TBCD: variants seen among roughly 807,000 people sequenced by gnomAD.
TBCD encodes the protein tubulin folding cofactor D.
TBCD carries 105 observed loss-of-function variants against 169.3 expected under a neutral mutation model. The observed-to-expected ratio is 0.62, with a 90% CI of 0.53 to 0.73. The LOEUF (loss-of-function observed/expected upper bound fraction) is 0.73. Among genes scored for constraint, TBCD ranks in the 30% least tolerant of loss-of-function variants. The pLI is 0.00. For missense variants in TBCD, 1,444 were observed against 1,600.1 expected, an observed-to-expected ratio of 0.90 and a Z score of 1.66; for synonymous variants, 700 against 643.9, an observed-to-expected ratio of 1.09 and a Z score of -1.32.
chr17:82,758,631 A>G (rs1421745614), intron 2 of TBCD, among the ~76,000 whole-genome samples: 1 of 110,270 alleles, frequency 9.1e-6, no homozygotes, highest in Non-Finnish European at 2.0e-5. Context: ...TTTGTTGCAC[A>G]TTTTTCCACC....
rs1232378117 is a variant in TBCD at position 82,864,584 on chromosome 17, A to T, written c.1319-5640A>T. ...TTGACAGAGGGTCCTTGACTCTGCG[A>T]CCCTGCACAGTGGGTGGTGGCAGGT... is the stretch of plus-strand genomic sequence containing the variant. On this transcript the variant is annotated intron_variant, in intron 13 of 38. Transcript: ENST00000355528. This position sits in a 1 kb window ranked among gnomAD's most constrained non-coding sequence, Gnocchi z 6.3. 6.6e-6 allele frequency among the ~76,000 whole-genome samples: 1 copy of T among 152,066 alleles called. No homozygotes were observed. The highest frequency in any genetic ancestry group is 1.9e-4 in the East Asian group (1 of 5,192).
At chr17:82,802,615 C>A (rs1424720087) in intron 9 of TBCD, among the ~76,000 whole-genome samples, 1 of 152,238 alleles carries the variant, frequency 6.6e-6, no homozygotes, top group Admixed American at 6.5e-5. Context: ...TGGTTTTAGT[C>A]TGAAGACAGA....
At chr17:82,775,134 G>A (rs1056879748) in intron 6 of TBCD, among the ~76,000 whole-genome samples, 2 of 152,170 alleles carry the variant, frequency 1.3e-5, no homozygotes, top group Non-Finnish European at 2.9e-5. Context: ...GCGGACTCCC[G>A]GCGAGACACC....
At chr17:82,911,462 A>G (rs1233622778) in intron 22 of TBCD, among the ~76,000 whole-genome samples, 1 of 152,188 alleles carries the variant, frequency 6.6e-6, no homozygotes, top group African/African-American at 2.4e-5. Flanking sequence ...GTTTCTATAA[A>G]GTAAGAGCTG....
intron 23 of TBCD, chr17:82,918,849 C>G (rs757387229): frequency 6.6e-6 from 1 of 152,222 alleles, no homozygotes; most frequent in Non-Finnish European, 1.5e-5. Context: ...GTCCTCAACA[C>G]ACATCAGAGC....
chr17:82,803,848 G>A (rs1325955977), intron 9 of TBCD, among the ~76,000 whole-genome samples: 1 of 151,712 alleles, frequency 6.6e-6, no homozygotes, highest in Non-Finnish European at 1.5e-5. Flanking sequence ...CGGCTGGGGT[G>A]CACCGGTCTG....
chr17:82,773,577 A>G (rs563417659), intron 6 of TBCD, among the ~76,000 whole-genome samples: 95 of 152,136 alleles, frequency 6.2e-4, no homozygotes, highest in South Asian at 4.4e-3. Context: ...AACTCTGTCC[A>G]TGGTCTCCCC....
chr17:82,832,502 T>G lies in TBCD; in HGVS notation c.1318+17568T>G. 1.3e-6 allele frequency: 2 copies of G among 1,543,670 alleles called. No homozygotes were observed. The highest frequency in any genetic ancestry group is 1.8e-6 in the Non-Finnish European group (2 of 1,127,534). ...CTGGCTGTCCAGGTGGCGTGATCAC[T>G]GTCGACGCCGCGTGCACTTCGTGGT... On this transcript the variant is annotated intron_variant, in intron 13 of 38. Coordinates refer to ENST00000355528, the MANE Select transcript of TBCD (RefSeq NM_005993.5). The surrounding 1 kb of genome is among the most constrained non-coding windows in gnomAD (Gnocchi z 4.9).
Position 82,889,834 on chromosome 17 carries a change from C to A in TBCD, c.1563+137C>A. ...TACATCAATGCCAGGGTCATGAGTT[C>A]ACTATAGGACGCACATGTTAAACAG... On this transcript the variant is annotated intron_variant, in intron 16 of 38. Transcript: ENST00000355528. This position sits in a 1 kb window ranked among gnomAD's most constrained non-coding sequence, Gnocchi z 5.3. The A allele has an allele frequency of 2.1e-6, 2 of 952,036 alleles. No homozygotes were observed. The highest frequency in any genetic ancestry group is 1.7e-5 in the South Asian group (1 of 58,494). The allele number at this position is 952,036 out of a possible 1,614,324, so 59.0% of individuals were successfully genotyped here.
At chr17:82,887,789 C>CA (rs1230894513) in intron 15 of TBCD, among the ~76,000 whole-genome samples, 2 of 152,208 alleles carry the variant, frequency 1.3e-5, no homozygotes, top group Non-Finnish European at 2.9e-5. Flanking sequence ...GCCTTTTTGA[C>CA]AGGCATGTGG....
rs1182644712 is a variant in TBCD at position 82,920,370 on chromosome 17, C to G, written c.2039-186C>G. 1.6e-6 allele frequency: 1 copy of G among 630,302 alleles called. No homozygotes were observed. Among genetic ancestry groups the G allele is most frequent in the Non-Finnish European group, 2.8e-6 (1 of 359,946 alleles). The allele number at this position is 630,302 out of a possible 1,614,324, so 39.0% of individuals were successfully genotyped here. ...TCAGGCTGCTCAGCGGAGGAGGCGT[C>G]TTGGGCTTCTCATGGTGGTTCTGAA... On this transcript the variant is annotated intron_variant, in intron 23 of 38. Transcript: ENST00000355528. The surrounding 1 kb of genome is among the most constrained non-coding windows in gnomAD (Gnocchi z 4.1).
At chr17:82,897,232 G>C (rs534465073) in intron 17 of TBCD, among the ~76,000 whole-genome samples, 24 of 152,052 alleles carry the variant, frequency 1.6e-4, no homozygotes, top group African/African-American at 5.5e-4. Flanking sequence ...AAAAAAATCA[G>C]CTTTGGGCCG....
intron 32 of TBCD, 66 bp downstream of exon 32, chr17:82,929,566 C>T (rs1206204792): frequency 6.3e-7 from 1 of 1,587,506 alleles, no homozygotes; most frequent in African/African-American, 1.3e-5. Context: ...TTCCCTGTCT[C>T]TTGGGAGCAT....
intron 23 of TBCD, among the ~76,000 whole-genome samples, chr17:82,914,505 T>C (rs117341962): frequency 0.027 from 4,114 of 152,338 alleles, 84 homozygotes; most frequent in Non-Finnish European, 0.044. Flanking sequence ...TGAGTGTGTT[T>C]GCTGGAGTGC....
chr17:82,752,415 G>C (rs146590903), intron 1 of TBCD, 38 bp downstream of exon 1: 1 of 1,198,740 alleles, frequency 8.3e-7, no homozygotes, highest in Non-Finnish European at 1.0e-6. Context: ...TCCTCCCCCG[G>C]CCCGGGTTCG....
intron 23 of TBCD, among the ~76,000 whole-genome samples, chr17:82,916,957 C>T (rs1788414954): frequency 1.3e-5 from 2 of 151,836 alleles, no homozygotes; most frequent in African/African-American, 4.8e-5. Context: ...TAATTCTTTA[C>T]GCCTCCTTAC....
intron 9 of TBCD, among the ~76,000 whole-genome samples, chr17:82,803,433 T>G (rs986868124): frequency 6.6e-6 from 1 of 152,234 alleles, no homozygotes; most frequent in Non-Finnish European, 1.5e-5. Flanking sequence ...TCTCGCCTTG[T>G]GCTTCCTTAT....
rs2050914668 is a variant in TBCD at position 82,805,758 on chromosome 17, G to A, written c.951-117G>A. 6 of 1,267,438 alleles carry A rather than the reference G, an allele frequency of 4.7e-6. No individual in the cohort carries two copies. In the East Asian group the frequency reaches 7.1e-5, roughly 15 times the overall value. The allele number at this position is 1,267,438 out of a possible 1,614,324, so 78.5% of individuals were successfully genotyped here. ...TCCCTTCTTATCCGGTCTCTGCAAA[G>A]TGCATGGAATTTTCACAGGCACGCT... On this transcript the variant is annotated intron_variant, in intron 9 of 38. Coordinates refer to ENST00000355528, the MANE Select transcript of TBCD (RefSeq NM_005993.5).
chr17:82,921,423 T>G (rs2061412627), intron 24 of TBCD, 78 bp from the exon 25 acceptor site: 11 of 1,153,244 alleles, frequency 9.5e-6, no homozygotes, highest in Non-Finnish European at 1.4e-5. Context: ...TTAGTATTAA[T>G]AGAAGCTGTT....
Sources: gnomAD v4.1 joint callset for allele counts (sites outside exome capture counted in the v4.1 genomes callset) on GRCh38, gnomAD v4.1.1 for gene constraint, Gnocchi (gnomAD v3.1) non-coding constraint, MANE v1.5 for transcripts, NCBI Gene and HGNC (gene_info 2026-07-23, HGNC 2026-07-21) for gene names.